Variants in SLC7A3 observed in about 807,000 individuals in gnomAD.
The protein encoded by SLC7A3 is cationic amino acid transporter 3.
Under a neutral mutation model 33.2 loss-of-function variants are expected in SLC7A3, and 3 were observed. The observed-to-expected ratio is 0.09, with a 90% CI of 0.04 to 0.23. The LOEUF (loss-of-function observed/expected upper bound fraction) is 0.23. SLC7A3 is among the 10% of genes least tolerant of loss of function. SLC7A3 has a pLI of 1.00. For missense variants in SLC7A3, 360 were observed against 488.8 expected, an observed-to-expected ratio of 0.74 and a Z score of 2.48; for synonymous variants, 193 against 195.1, an observed-to-expected ratio of 0.99 and a Z score of 0.09.
At position 70,928,577 on chromosome X, in the gene SLC7A3, C is replaced by T. The variant is rs971922392; in HGVS notation, c.586G>A (p.Val196Met). Residue 196 changes from valine to methionine, a missense_variant, in exon 4 of 12, where the codon GTG becomes ATG. Val to Met is a conservative substitution (Grantham distance 21, BLOSUM62 1). Coordinates refer to ENST00000374299, the MANE Select transcript of SLC7A3 (RefSeq NM_032803.6). The stretch of plus-strand genomic sequence containing the variant: ...ACGAACCCAAGAACCAAAAGGTTCA[C>T]GCCTGTGAACACTTTGGTAACCAGG... Reference protein sequence around the residue: ...SALVTKVFTGVNLLVLGFVMI... With the variant: ...SALVTKVFTGMNLLVLGFVMI... 5.8e-6 allele frequency: 7 copies of T among 1,205,107 alleles called. No homozygotes were observed. The highest frequency in any genetic ancestry group is 4.4e-5 in the Admixed American group (2 of 45,043).
intron 9 of SLC7A3, 28 bp from the exon 10 acceptor site, chrX:70,926,721 A>G: frequency 3.4e-6 from 4 of 1,176,665 alleles, no homozygotes; most frequent in Non-Finnish European, 4.6e-6. Flanking sequence ...AGAGACATCA[A>G]AACCAACTCT....
rs1233484569 is a variant in SLC7A3 at position 70,928,938 on chromosome X, A to G, written c.435T>C (p.Ser145=). 1 of 1,211,598 alleles carries G rather than the reference A, an allele frequency of 8.3e-7. No homozygotes were observed. ...GTGCAATGGACCCCTGCAGAGTCTT[A>G]GAGATGTGGTTCCCAATCAGGTTGT... ...AFDNLIGNHI[S]KTLQGSIALH... is the part of the protein sequence containing the mutation. Residue 145 remains serine, a synonymous_variant, in exon 3 of 12, where the codon TCT becomes TCC. Coordinates refer to ENST00000374299, the MANE Select transcript of SLC7A3 (RefSeq NM_032803.6).
At chrX:70,928,784 C>G (rs1002384696) in intron 3 of SLC7A3, 60 bp downstream of exon 3, 19 of 1,182,148 alleles carry the variant, frequency 1.6e-5, no homozygotes, top group Non-Finnish European at 2.2e-5. Context: ...TTATCCCTGG[C>G]CCCAAGGACT....
In SLC7A3 at chrX:70,929,782, C is replaced by T. The variant is rs771342262; in HGVS notation, c.216G>A (p.Val72=). 73 of 1,208,542 alleles carry T rather than the reference C, an allele frequency of 6.0e-5. No individual in the cohort carries two copies. In the South Asian group the frequency reaches 1.0e-3, roughly 17 times the overall value. The stretch of plus-strand genomic sequence containing the variant: ...CAGCCAACACAGAAGACAGGGCAGC[C>T]ACCAAAAAGCAGATCACAATGGATG... ...AGPSIVICFL[V]AALSSVLAGL... is the part of the protein sequence containing the mutation. The change falls in exon 2 of 12, where the codon GTG becomes GTA. Residue 72 remains valine, a synonymous_variant. Transcript: ENST00000374299.
rs779958981 is a variant in SLC7A3 at position 70,927,840 on chromosome X, C to T, written c.1001G>A (p.Arg334His). The T allele has an allele frequency of 8.6e-5, 102 of 1,190,210 alleles. 1 individual carries two copies. In the South Asian group the frequency reaches 1.4e-3, roughly 16 times the overall value. The change falls in exon 6 of 12, where the codon CGC becomes CAC. Residue 334 changes from arginine to histidine, a missense_variant. By Grantham distance (29) the Arg-to-His change is conservative. Transcript: ENST00000374299. Reference sequence around the variant, plus strand: ...GAGGGAGCCAACAGCCACAACATAGCGGGCAGGAGCCCATCCAATGTAGAG... The same window carrying T: ...GAGGGAGCCAACAGCCACAACATAGTGGGCAGGAGCCCATCCAATGTAGAG... ...AFLYIGWAPA[R>H]YVVAVGSLCA...
Position 70,927,508 on chromosome X carries a change from T to A in SLC7A3, c.1159A>T (p.Thr387Ser). Residue 387 changes from threonine (T) to serine (S), a missense_variant, in exon 7 of 12, where the codon ACC becomes TCC. Thr to Ser is a moderately conservative substitution (Grantham distance 58). Coordinates refer to ENST00000374299, the MANE Select transcript of SLC7A3 (RefSeq NM_032803.6). Reference sequence around the variant, plus strand: ...CCTGCAATAATGCCAGAGACCACGGTGGCTATGATTGGGGTGCGTGTGCCG... The same window carrying A: ...CCTGCAATAATGCCAGAGACCACGGAGGCTATGATTGGGGTGCGTGTGCCG... ...HTGTRTPIIA[T>S]VVSGIIAAFM... is the part of the protein sequence containing the mutation. 8.3e-7 allele frequency: 1 copy of A among 1,210,925 alleles called. No individual in the cohort carries two copies. The highest frequency in any genetic ancestry group is 1.1e-6 in the Non-Finnish European group (1 of 895,291).
intron 5 of SLC7A3, 23 bp from the exon 6 acceptor site, chrX:70,928,043 T>G (rs1197845068): frequency 8.3e-7 from 1 of 1,200,282 alleles, no homozygotes; most frequent in Non-Finnish European, 1.1e-6. Context: ...CGTAAGGTTC[T>G]AAATTAGGGA....
At chrX:70,928,739 C>T in intron 3 of SLC7A3, 105 bp downstream of exon 3, 4 of 1,115,998 alleles carry the variant, frequency 3.6e-6, no homozygotes, top group Admixed American at 2.8e-5. Flanking sequence ...CCATTATCAC[C>T]TCCCTTAAGC....
intron 1 of SLC7A3, among the ~76,000 whole-genome samples, chrX:70,930,469 C>A (rs1421881642): frequency 9.0e-6 from 1 of 111,631 alleles, no homozygotes; most frequent in Non-Finnish European, 1.9e-5. Flanking sequence ...AGCCCCCAGA[C>A]CCCCCAGAGG....
intron 3 of SLC7A3, 103 bp downstream of exon 3, chrX:70,928,741 C>T: frequency 1.8e-6 from 2 of 1,128,390 alleles, no homozygotes; most frequent in Non-Finnish European, 2.4e-6. Context: ...ATTATCACCT[C>T]CCTTAAGCCT....
At position 70,929,590 on chromosome X, in the gene SLC7A3, T is replaced by C. The variant is rs773612464; in HGVS notation, c.370+38A>G. ...ATTTCCTGACCAAAAACCCCTTTGC[T>C]GGCTGTGCAGTTCCCTCCCTCCCCC... is the stretch of plus-strand genomic sequence containing the variant. On this transcript the variant is annotated intron_variant, in intron 2 of 11. Transcript: ENST00000374299. The C allele has an allele frequency of 1.0e-5, 12 of 1,171,985 alleles. No individual in the cohort carries two copies. The East Asian group carries it at 3.6e-4, about 35-fold the overall frequency.
At position 70,928,273 on chromosome X, in the gene SLC7A3, G is replaced by C. The variant is rs771785794; in HGVS notation, c.708-16C>G. On this transcript the variant is annotated splice_polypyrimidine_tract_variant and intron_variant, in intron 4 of 11. Transcript: ENST00000374299. ...AGGACCCAAGCTAGAGTGGAAGAAGGGTTGGAGAAGGTAAGGGTGTGTTCA... is the reference window on the plus strand; with the variant it reads ...AGGACCCAAGCTAGAGTGGAAGAAGCGTTGGAGAAGGTAAGGGTGTGTTCA... 2 of 1,177,842 alleles carry C rather than the reference G, an allele frequency of 1.7e-6. No homozygotes were observed. Among genetic ancestry groups the C allele is most frequent in the East Asian group, 3.0e-5 (1 of 33,681 alleles).
rs374563735 is a variant in SLC7A3 at position 70,927,525 on chromosome X, C to G, written c.1142G>C (p.Arg381Pro). ...GACCACGGTGGCTATGATTGGGGTG[C>G]GTGTGCCGGTGTGGATCCGAGCAAG... ...RVLARIHTGT[R>P]TPIIATVVSG... The change falls in exon 7 of 12, where the codon CGC (arginine) becomes CCC (proline). Residue 381 changes from arginine to proline, a missense_variant. Coordinates refer to ENST00000374299, the MANE Select transcript of SLC7A3 (RefSeq NM_032803.6). The G allele has an allele frequency of 8.3e-7, 1 of 1,211,039 alleles. No individual in the cohort carries two copies. Among genetic ancestry groups the G allele is most frequent in the Non-Finnish European group, 1.1e-6 (1 of 895,268 alleles).
rs766971440 is a variant in SLC7A3, at chrX:70,929,636, T to C, written c.362A>G (p.Tyr121Cys). The change falls in exon 2 of 12, where the codon TAT becomes TGT. Residue 121 changes from tyrosine (Y) to cysteine (C), a missense_variant. Physicochemically the swap from Tyr to Cys is radical, Grantham distance 194. Transcript: ENST00000374299. ...FTTGWNLILSYVIGTASVARA... is the reference protein window; with the variant it reads ...FTTGWNLILSCVIGTASVARA... ...CCCCCACCATATCTCACCAATGACA[T>C]AGGAGAGGATGAGGTTCCAGCCAGT... 4 of 1,204,904 alleles carry C rather than the reference T, an allele frequency of 3.3e-6. No individual in the cohort carries two copies. The African/African-American group carries it at 5.3e-5, about 16-fold the overall frequency.
intron 3 of SLC7A3, 47 bp from the exon 4 acceptor site, chrX:70,928,680 G>A (rs777302388): frequency 3.8e-5 from 44 of 1,144,568 alleles, no homozygotes; most frequent in South Asian, 1.6e-4. Flanking sequence ...TTCAGTCCAA[G>A]CTTTGTTTCC....
At chrX:70,927,094 A>G (rs2091898719) in intron 8 of SLC7A3, 53 bp from the exon 9 acceptor site, 10 of 1,163,747 alleles carry the variant, frequency 8.6e-6, no homozygotes, top group Non-Finnish European at 1.2e-5. Flanking sequence ...TCACTTTATC[A>G]TCTTCTCCCA....
Position 70,928,453 on chromosome X carries a change from A to G in SLC7A3, c.707+3T>C. 1 of 1,199,151 alleles carries G rather than the reference A, an allele frequency of 8.3e-7. No individual in the cohort carries two copies. Among genetic ancestry groups the G allele is most frequent in the Non-Finnish European group, 1.1e-6 (1 of 888,955 alleles). On this transcript the variant is annotated splice_donor_region_variant and intron_variant, in intron 4 of 11. Coordinates refer to ENST00000374299, the MANE Select transcript of SLC7A3 (RefSeq NM_032803.6). The stretch of plus-strand genomic sequence containing the variant: ...CTGCAGCTCCTAAGAGTGACCATCT[A>G]ACCTATAGGTGTCATTGAGTTCAGC...
chrX:70,925,960 G>T lies in SLC7A3; in HGVS notation c.1730-17C>A. The T allele has an allele frequency of 8.3e-7, 1 of 1,211,242 alleles. No homozygotes were observed. The highest frequency in any genetic ancestry group is 2.2e-5 in the Admixed American group (1 of 45,951). ...TAGCAAAGCCTAGTGGGGAAAGGTAGCTGTGAGGTGGGGGTGTAAAGGCTT... is the reference window on the plus strand; with the variant it reads ...TAGCAAAGCCTAGTGGGGAAAGGTATCTGTGAGGTGGGGGTGTAAAGGCTT... On this transcript the variant is annotated splice_polypyrimidine_tract_variant and intron_variant, in intron 11 of 11. Coordinates refer to ENST00000374299, the MANE Select transcript of SLC7A3 (RefSeq NM_032803.6).
Position 70,929,948 on chromosome X carries a change from C to T in SLC7A3, c.50G>A (p.Arg17His), listed in dbSNP as rs747139281. ...RRFGQKLVRR[R>H]TLESGMAETR... ...CTCAGCCATGCCTGACTCCAGTGTA[C>T]GTCTGCGTACCAGCTTTTGACCAAA... The change falls in exon 2 of 12, where the codon CGT becomes CAT. Residue 17 changes from arginine (R) to histidine (H), a missense_variant. Arg to His is a conservative substitution (Grantham distance 29). Coordinates refer to ENST00000374299, the MANE Select transcript of SLC7A3 (RefSeq NM_032803.6). 18 of 1,208,366 alleles carry T rather than the reference C, an allele frequency of 1.5e-5. No homozygotes were observed. The highest frequency in any genetic ancestry group is 3.0e-5 in the East Asian group (1 of 33,744).
Sources: allele counts gnomAD v4.1 joint callset (sites outside exome capture counted in the v4.1 genomes callset), GRCh38; gene constraint gnomAD v4.1.1; transcripts MANE v1.5; gene names NCBI Gene and HGNC (gene_info 2026-07-23, HGNC 2026-07-21).